LSAMP: variants seen among roughly 807,000 people sequenced by gnomAD.
The protein encoded by LSAMP is limbic system-associated membrane protein.
A neutral mutation model predicts 38.6 loss-of-function variants in LSAMP; 7 were observed. That is an observed-to-expected ratio of 0.18 (90% CI 0.10 to 0.34). The LOEUF (loss-of-function observed/expected upper bound fraction) is 0.34. LSAMP is among the 10% of genes least tolerant of loss of function. The probability of loss-of-function intolerance (pLI) is 1.00; values close to 1 mark genes in which losing one functional copy is unlikely to be tolerated. For synonymous variants in LSAMP, 154 were observed against 166.8 expected (o/e 0.92, Z 0.59); for missense variants, 313 against 420.0 (o/e 0.75, Z 2.23).
chr3:116,387,319 C>T (rs2048638010), intron 1 of LSAMP, among the ~76,000 whole-genome samples: 4 of 151,800 alleles, frequency 2.6e-5, no homozygotes, highest in Admixed American at 2.0e-4. Context: ...TTTATAATGT[C>T]CAGCATTATA....
chr3:116,046,093 A>G (rs919550557), intron 2 of LSAMP, among the ~76,000 whole-genome samples: 3 of 152,212 alleles, frequency 2.0e-5, no homozygotes, highest in Non-Finnish European at 4.4e-5. Context: ...GTCATTCTTC[A>G]TCCATAAAAA....
At chr3:115,878,035 C>T in intron 3 of LSAMP, among the ~76,000 whole-genome samples, 1 of 152,066 alleles carries the variant, frequency 6.6e-6, no homozygotes, top group East Asian at 1.9e-4. Flanking sequence ...GCTCCATCTC[C>T]CTGGGCCATA....
intron 1 of LSAMP, among the ~76,000 whole-genome samples, chr3:116,104,535 C>A (rs571005112): frequency 6.6e-6 from 1 of 152,144 alleles, no homozygotes; most frequent in African/African-American, 2.4e-5. Context: ...GATTAACAAC[C>A]TTGCACCAAA....
intron 1 of LSAMP, among the ~76,000 whole-genome samples, chr3:116,194,053 C>T (rs140143478): frequency 7.9e-5 from 12 of 152,132 alleles, no homozygotes; most frequent in African/African-American, 1.2e-4. Context: ...TAAAGCTTAC[C>T]AGTTAACGCA....
At chr3:116,192,419 C>A (rs182035762) in intron 1 of LSAMP, among the ~76,000 whole-genome samples, 1 of 152,182 alleles carries the variant, frequency 6.6e-6, no homozygotes, top group South Asian at 2.1e-4. Flanking sequence ...CCATCCTCAC[C>A]AATATTGGCA....
intron 1 of LSAMP, among the ~76,000 whole-genome samples, chr3:116,144,101 T>C (rs1213461710): frequency 6.6e-6 from 1 of 152,042 alleles, no homozygotes; most frequent in African/African-American, 2.4e-5. Flanking sequence ...ATTGCATTTT[T>C]ATCAGTTACT....
intron 3 of LSAMP, among the ~76,000 whole-genome samples, chr3:115,875,574 C>G (rs928223796): frequency 6.6e-6 from 1 of 152,002 alleles, no homozygotes; most frequent in Non-Finnish European, 1.5e-5. Flanking sequence ...AATAATTTTT[C>G]TTTGACAAGC....
intron 3 of LSAMP, among the ~76,000 whole-genome samples, chr3:115,866,345 T>C (rs1400819030): frequency 6.6e-6 from 1 of 152,168 alleles, no homozygotes; most frequent in African/African-American, 2.4e-5. Flanking sequence ...GTTACCCTTT[T>C]CTTTCCTCTC....
At chr3:115,903,722 G>C (rs925373435) in intron 3 of LSAMP, among the ~76,000 whole-genome samples, 3 of 152,008 alleles carry the variant, frequency 2.0e-5, no homozygotes, top group African/African-American at 7.2e-5. Flanking sequence ...TCTCTAAAAG[G>C]AACAATTTTA....
At chr3:116,181,525 A>G (rs1442777641) in intron 1 of LSAMP, among the ~76,000 whole-genome samples, 2 of 152,060 alleles carry the variant, frequency 1.3e-5, no homozygotes, top group African/African-American at 4.8e-5. Context: ...AAATGAACCT[A>G]TTTCCTAAGG....
chr3:115,935,311 GC>G (rs1178904015), intron 3 of LSAMP, among the ~76,000 whole-genome samples: 2 of 152,280 alleles, frequency 1.3e-5, no homozygotes, highest in Admixed American at 6.5e-5. Flanking sequence ...GGGATCAGAA[GC>G]CCTGAGGGAT....
intron 3 of LSAMP, among the ~76,000 whole-genome samples, chr3:115,978,093 C>T (rs12486101): frequency 0.26 from 38,714 of 151,776 alleles, 5,674 homozygotes; most frequent in African/African-American, 0.42. Flanking sequence ...ACTGCAGCCT[C>T]GAACTCCTGG....
At chr3:116,175,830 A>G (rs1710325705) in intron 1 of LSAMP, among the ~76,000 whole-genome samples, 2 of 152,148 alleles carry the variant, frequency 1.3e-5, no homozygotes, top group Non-Finnish European at 2.9e-5. Flanking sequence ...AGTTTCTGGT[A>G]CTTTCAGTAC....
chr3:116,215,449 G>A (rs1397372387), intron 1 of LSAMP, among the ~76,000 whole-genome samples: 3 of 150,850 alleles, frequency 2.0e-5, no homozygotes, highest in African/African-American at 4.9e-5. Context: ...TTTTTGGCCC[G>A]CTGCTGCAAG....
chr3:116,007,586 T>C (rs570078953), intron 3 of LSAMP, among the ~76,000 whole-genome samples: 44 of 152,296 alleles, frequency 2.9e-4, no homozygotes, highest in African/African-American at 9.6e-4. Context: ...TTGTTACTTC[T>C]AAACCTCTTC....
intron 1 of LSAMP, among the ~76,000 whole-genome samples, chr3:116,352,059 G>A (rs17646747): frequency 0.069 from 10,458 of 152,050 alleles, 369 homozygotes; most frequent in Non-Finnish European, 0.08. Flanking sequence ...TTGGTTAAAA[G>A]GTTCACCGCT....
At chr3:116,298,756 G>A (rs905043965) in intron 1 of LSAMP, among the ~76,000 whole-genome samples, 2 of 152,060 alleles carry the variant, frequency 1.3e-5, no homozygotes, top group Non-Finnish European at 2.9e-5. Context: ...GCTTAATTAA[G>A]CACTTACAAT....
rs568897923 is a variant in LSAMP, at chr3:116,223,603, T to C, written c.156-137047A>G. On this transcript the variant is annotated intron_variant, in intron 1 of 6. Coordinates refer to ENST00000490035, the MANE Select transcript of LSAMP (RefSeq NM_002338.5). The stretch of plus-strand genomic sequence containing the variant: ...TGCTAGTATCTCAACAGTATTCACA[T>C]AGAGATTTGAAAGAAATATAAAAAT... 1.2e-4 allele frequency among the ~76,000 whole-genome samples: 18 copies of C among 152,292 alleles called. No individual in the cohort carries two copies. In the South Asian group the frequency reaches 2.7e-3, roughly 23 times the overall value.
At chr3:115,816,541 T>C (rs1472558321) in intron 6 of LSAMP, 5 of 857,840 alleles carry the variant, frequency 5.8e-6, no homozygotes, top group South Asian at 3.0e-5. Context: ...AACTCAAGTA[T>C]ATAAGACAAC....
Sources: gnomAD v4.1 joint callset for allele counts (sites outside exome capture counted in the v4.1 genomes callset) on GRCh38, gnomAD v4.1.1 for gene constraint, MANE v1.5 for transcripts, NCBI Gene and HGNC (gene_info 2026-07-23, HGNC 2026-07-21) for gene names.